Variants in KIAA0586 observed in about 807,000 individuals in gnomAD.
KIAA0586 encodes the protein protein TALPID3.
Under a neutral mutation model 169.8 loss-of-function variants are expected in KIAA0586, and 144 were observed. The observed-to-expected ratio is 0.85, with a 90% CI of 0.74 to 0.97. The LOEUF (loss-of-function observed/expected upper bound fraction) is 0.97. Ranked by LOEUF, KIAA0586 falls within the 50% of genes least tolerant of loss-of-function variation. KIAA0586 has a pLI of 0.00. For missense variants in KIAA0586, 1,854 were observed against 1,823.0 expected (o/e 1.02, Z -0.31); for synonymous variants, 625 against 612.4 (o/e 1.02, Z -0.30).
intron 4 of KIAA0586, among the ~76,000 whole-genome samples, 155 bp from the exon 5 acceptor site, chr14:58,442,551 C>T (rs2038487576): frequency 6.6e-6 from 1 of 151,982 alleles, no homozygotes; most frequent in African/African-American, 2.4e-5. Flanking sequence ...TGACCTGGAC[C>T]TTGATAAATT....
At chr14:58,452,846 T>C (rs1476221432) in intron 8 of KIAA0586, among the ~76,000 whole-genome samples, 4 of 148,686 alleles carry the variant, frequency 2.7e-5, no homozygotes, top group African/African-American at 9.9e-5. Flanking sequence ...ATAGTTTTTA[T>C]GAGGTGTAAA....
chr14:58,499,211 T>TA (rs1327316747), intron 27 of KIAA0586, among the ~76,000 whole-genome samples: 1 of 152,218 alleles, frequency 6.6e-6, no homozygotes, highest in African/African-American at 2.4e-5. Flanking sequence ...TACACATACA[T>TA]ACACTTAAAA....
At chr14:58,476,782 C>T (rs925516147) in intron 19 of KIAA0586, among the ~76,000 whole-genome samples, 1 of 151,632 alleles carries the variant, frequency 6.6e-6, no homozygotes, top group African/African-American at 2.4e-5. Flanking sequence ...ATCCTCCCAC[C>T]TCAGCCTCTT....
intron 27 of KIAA0586, among the ~76,000 whole-genome samples, chr14:58,505,825 G>A (rs924558738): frequency 6.6e-6 from 1 of 151,884 alleles, no homozygotes; most frequent in Non-Finnish European, 1.5e-5. Context: ...TCTACTATTT[G>A]TATTGTAAAT....
At chr14:58,451,465 G>T (rs1044132840) in intron 8 of KIAA0586, among the ~76,000 whole-genome samples, 1 of 151,914 alleles carries the variant, frequency 6.6e-6, no homozygotes, top group East Asian at 1.9e-4. Context: ...GGGCTCAAGC[G>T]ATCTGCCCGC....
chr14:58,427,577 C>G, upstream of KIAA0586: 3 of 1,535,402 alleles, frequency 2.0e-6, no homozygotes, highest in Non-Finnish European at 2.6e-6. Flanking sequence ...GAGTTTGTTT[C>G]CACCCGGAGA....
intron 9 of KIAA0586, among the ~76,000 whole-genome samples, chr14:58,456,034 G>GT (rs71107952): frequency 0.98 from 148,557 of 152,126 alleles, 72,621 homozygotes; most frequent in Non-Finnish European, 1. Flanking sequence ...AATTGCCACC[G>GT]TTTTTTGAAA....
chr14:58,538,721 G>A (rs562523135), intron 29 of KIAA0586, among the ~76,000 whole-genome samples: 8 of 143,276 alleles, frequency 5.6e-5, no homozygotes, highest in Admixed American at 2.9e-4. Flanking sequence ...CTTCCCTTCC[G>A]CTCTCACTAC....
chr14:58,514,169 A>T (rs111406538), intron 29 of KIAA0586, among the ~76,000 whole-genome samples: 260 of 152,232 alleles, frequency 1.7e-3, no homozygotes, highest in African/African-American at 6.1e-3. Context: ...TGGCAAATAT[A>T]ATCAGTTATG....
At chr14:58,499,006 T>C in intron 27 of KIAA0586, 46 bp downstream of exon 27, 1 of 1,475,300 alleles carries the variant, frequency 6.8e-7, no homozygotes, top group Non-Finnish European at 9.1e-7. Flanking sequence ...GTAGTATCCC[T>C]AATCTGAGTT....
rs1749005 is a variant in KIAA0586 at position 58,508,317 on chromosome 14, C to T, written c.4169-238C>T. ...ATGAACTGCATGGGCAACTTGTTGACTGGAACTTTACATAGAATATTCCAT... is the reference window on the plus strand; with the variant it reads ...ATGAACTGCATGGGCAACTTGTTGATTGGAACTTTACATAGAATATTCCAT... On this transcript the variant is annotated intron_variant, in intron 27 of 30. Coordinates refer to ENST00000652326, the MANE Select transcript of KIAA0586 (RefSeq NM_001329943.3). Among the ~76,000 whole-genome samples, 150,127 of 152,344 alleles carry T rather than the reference C, an allele frequency of 0.99. 74,007 individuals carry two copies. The highest frequency in any genetic ancestry group is 1 in the Non-Finnish European group (68,031 of 68,040).
intron 13 of KIAA0586, among the ~76,000 whole-genome samples, chr14:58,460,284 A>C (rs2040218788): frequency 6.6e-6 from 1 of 152,152 alleles, no homozygotes; most frequent in Non-Finnish European, 1.5e-5. Context: ...ATGAGATCTC[A>C]CACCCTGGCA....
intron 27 of KIAA0586, 36 bp downstream of exon 27, chr14:58,498,996 G>T: frequency 2.6e-6 from 4 of 1,520,892 alleles, no homozygotes; most frequent in Non-Finnish European, 3.6e-6. Context: ...ATGTGTCATA[G>T]TAGTATCCCT....
intron 26 of KIAA0586, 34 bp from the exon 27 acceptor site, chr14:58,498,749 T>G (rs368662113): frequency 9.0e-5 from 140 of 1,552,760 alleles, no homozygotes; most frequent in Non-Finnish European, 1.1e-4. Context: ...GATTTTAATA[T>G]AATGGTTTTA....
At chr14:58,431,940 T>TC (rs1435332836) in intron 3 of KIAA0586, among the ~76,000 whole-genome samples, 1 of 152,220 alleles carries the variant, frequency 6.6e-6, no homozygotes, top group East Asian at 1.9e-4. Context: ...AAACTTTACT[T>TC]AAGTCATTTA....
chr14:58,555,112 T>G (rs1375733786), downstream of KIAA0586, among the ~76,000 whole-genome samples: 3 of 146,342 alleles, frequency 2.0e-5, no homozygotes, highest in Non-Finnish European at 4.5e-5. Flanking sequence ...TTTTTTTTTT[T>G]TTTTTTTTGA....
chr14:58,455,880 TG>T (rs1164236402), intron 9 of KIAA0586, among the ~76,000 whole-genome samples: 2 of 152,176 alleles, frequency 1.3e-5, no homozygotes, highest in African/African-American at 2.4e-5. Context: ...CTAGAAGGCA[TG>T]ACCTTCTAGA....
In KIAA0586 at chr14:58,460,994, G is replaced by A. The variant is rs1175693610; in HGVS notation, c.1893G>A (p.Leu631=). ...TAACTTTGTACACACAGGGGCTTTT[G>A]AAAGCAACCACAGTAATACAAGATG... ...SLQKERKEGL[L]KATTVIQDED... is the part of the protein sequence containing the mutation. The change falls in exon 14 of 31, where the codon TTG becomes TTA. Residue 631 remains leucine, a synonymous_variant. Coordinates refer to ENST00000652326, the MANE Select transcript of KIAA0586 (RefSeq NM_001329943.3). 6.3e-7 allele frequency: 1 copy of A among 1,593,406 alleles called. No homozygotes were observed. The highest frequency in any genetic ancestry group is 8.5e-7 in the Non-Finnish European group (1 of 1,172,398).
At position 58,470,075 on chromosome 14, in the gene KIAA0586, AAT is replaced by A. The variant is rs1491122661; in HGVS notation, c.2443-537_2443-536del. Among the ~76,000 whole-genome samples the A allele has an allele frequency of 3.5e-4, 4 of 11,582 alleles. No homozygotes were observed. In the East Asian group the frequency reaches 0.01, roughly 29 times the overall value. 7.6% of individuals were successfully genotyped at this position (11,582 alleles called of 152,430 possible). ...GAATTAATTTAGGGTTTAGGAAGAA[AAT>A]GTGTGTGTGTGTGTGTGTGTTTATG... On this transcript the variant is annotated intron_variant, in intron 16 of 30. Transcript: ENST00000652326.
Sources: allele counts gnomAD v4.1 joint callset (sites outside exome capture counted in the v4.1 genomes callset), GRCh38; gene constraint gnomAD v4.1.1; transcripts MANE v1.5; gene names NCBI Gene and HGNC (gene_info 2026-07-23, HGNC 2026-07-21).